Variants in ZNF610 observed in about 807,000 individuals in gnomAD.
The protein encoded by ZNF610 is zink finger protein.
ZNF610 carries 14 observed loss-of-function variants against 14.1 expected under a neutral mutation model. The ratio of observed to expected loss-of-function variants is 0.99; its 90% CI spans 0.65 to 1.55. The LOEUF is 1.55. Ranked by LOEUF, ZNF610 falls within the 40% of genes most tolerant of loss-of-function variation. ZNF610 has a pLI of 0.00. For missense variants in ZNF610, 530 were observed against 558.0 expected, an observed-to-expected ratio of 0.95 and a Z score of 0.51; for synonymous variants, 185 against 187.6, an observed-to-expected ratio of 0.99 and a Z score of 0.11.
intron 1 of ZNF610, among the ~76,000 whole-genome samples, chr19:52,339,086 A>G (rs1984539526): frequency 6.6e-6 from 1 of 152,046 alleles, no homozygotes; most frequent in African/African-American, 2.4e-5. Flanking sequence ...CTGTGCCTTG[A>G]TGTGCATGTA....
At chr19:52,348,839 G>A (rs1395323155) in intron 2 of ZNF610, among the ~76,000 whole-genome samples, 1 of 152,188 alleles carries the variant, frequency 6.6e-6, no homozygotes, top group Non-Finnish European at 1.5e-5. Context: ...AGAGAGGGGA[G>A]GAGGGGCTGT....
chr19:52,353,215 C>T (rs1985344988), intron 3 of ZNF610, among the ~76,000 whole-genome samples: 1 of 152,250 alleles, frequency 6.6e-6, no homozygotes, highest in Non-Finnish European at 1.5e-5. Flanking sequence ...GCTGGAGTTA[C>T]AGACGTGAGC....
chr19:52,350,754 G>A lies in ZNF610; in HGVS notation c.63+1519G>A, dbSNP rs146243170. Among the ~76,000 whole-genome samples, 143 of 151,972 alleles carry A rather than the reference G, an allele frequency of 9.4e-4. 6 individuals carry two copies. The East Asian group carries it at 0.025, about 26-fold the overall frequency. On this transcript the variant is annotated intron_variant, in intron 3 of 5. Coordinates refer to ENST00000403906, the MANE Select transcript of ZNF610 (RefSeq NM_001161425.2). ...TGTGGCTCATGCCTGTAATACCAGC[G>A]CTTTGGGAGGCCAAGGTGGGTGGAT...
intron 5 of ZNF610, among the ~76,000 whole-genome samples, chr19:52,363,774 C>T (rs1985896502): frequency 6.6e-6 from 1 of 152,214 alleles, no homozygotes; most frequent in Middle Eastern, 3.4e-3. Context: ...GGGAGTCTGT[C>T]GTGGATAGGA....
chr19:52,332,809 C>T (rs1984242048), upstream of ZNF610, among the ~76,000 whole-genome samples: 1 of 152,148 alleles, frequency 6.6e-6, no homozygotes, highest in Non-Finnish European at 1.5e-5. This position sits in a 1 kb window ranked among gnomAD's most constrained non-coding sequence, Gnocchi z 4.1. Context: ...TGGTCAATAA[C>T]GGAGTACAAA....
At chr19:52,349,392 G>T (rs1356144305) in intron 3 of ZNF610, among the ~76,000 whole-genome samples, 157 bp downstream of exon 3, 1 of 151,944 alleles carries the variant, frequency 6.6e-6, no homozygotes, top group Non-Finnish European at 1.5e-5. Flanking sequence ...CATGAATGTG[G>T]GAAGAGACTG....
chr19:52,336,693 T>C, intron 1 of ZNF610, among the ~76,000 whole-genome samples, 187 bp downstream of exon 1: 1 of 152,314 alleles, frequency 6.6e-6, no homozygotes, highest in Non-Finnish European at 1.5e-5. Flanking sequence ...CGTCCTGTAC[T>C]GGGTCCTGGG....
chr19:52,355,154 G>A (rs1488452236), intron 5 of ZNF610, among the ~76,000 whole-genome samples: 2 of 152,130 alleles, frequency 1.3e-5, no homozygotes, highest in South Asian at 2.1e-4. Context: ...AGGGAGCATT[G>A]TTGCCAGGGG....
At chr19:52,357,570 G>A (rs756157884) in intron 5 of ZNF610, among the ~76,000 whole-genome samples, 1 of 148,334 alleles carries the variant, frequency 6.7e-6, no homozygotes, top group Non-Finnish European at 1.5e-5. Flanking sequence ...GCCTGAACCC[G>A]GGAGGCGGAG....
intron 3 of ZNF610, among the ~76,000 whole-genome samples, chr19:52,352,137 A>T (rs1985287308): frequency 6.6e-6 from 1 of 152,100 alleles, no homozygotes; most frequent in Non-Finnish European, 1.5e-5. Context: ...AGTGTCTTTT[A>T]GTTAGGGGCC....
chr19:52,366,651 G>A lies in ZNF610; in HGVS notation c.1273G>A (p.Glu425Lys), dbSNP rs1163803059. 6.2e-7 allele frequency: 1 copy of A among 1,614,226 alleles called. No individual in the cohort carries two copies. The highest frequency in any genetic ancestry group is 1.7e-5 in the Admixed American group (1 of 60,022). The change falls in exon 6 of 6, where the codon GAG (glutamate) becomes AAG (lysine). Residue 425 changes from glutamate to lysine, a missense_variant. Physicochemically the swap from Glu to Lys is moderately conservative, Grantham distance 56. Transcript: ENST00000403906. ...CAACCATCAGAGAATTCATACTGGA[G>A]AGAGACCTTACAAGTGTAATGCATG... ...LTNHQRIHTG[E>K]RPYKCNACGK... is the part of the protein sequence containing the mutation.
At chr19:52,338,922 C>G (rs557635106) in intron 1 of ZNF610, among the ~76,000 whole-genome samples, 101 of 151,902 alleles carry the variant, frequency 6.6e-4, no homozygotes, top group African/African-American at 1.2e-3. Context: ...ACGGAGGACC[C>G]GCGCCGGCCC....
intron 5 of ZNF610, among the ~76,000 whole-genome samples, chr19:52,355,457 G>A (rs1056339414): frequency 1.3e-5 from 2 of 152,210 alleles, no homozygotes; most frequent in Non-Finnish European, 2.9e-5. Context: ...TCAGCACAGA[G>A]CATTTCACTT....
intron 5 of ZNF610, among the ~76,000 whole-genome samples, chr19:52,357,024 G>A (rs1487626222): frequency 6.6e-6 from 1 of 152,176 alleles, no homozygotes; most frequent in Non-Finnish European, 1.5e-5. Flanking sequence ...ACATGCCACA[G>A]GTTGAGGGCT....
chr19:52,358,840 A>G (rs1293293547), intron 5 of ZNF610, among the ~76,000 whole-genome samples: 2 of 152,220 alleles, frequency 1.3e-5, no homozygotes, highest in Non-Finnish European at 2.9e-5. Context: ...CGGTGTAATA[A>G]GAGTTCAACT....
chr19:52,350,950 A>C (rs1985220874), intron 3 of ZNF610, among the ~76,000 whole-genome samples: 1 of 152,144 alleles, frequency 6.6e-6, no homozygotes, highest in African/African-American at 2.4e-5. Context: ...CAGTGAGCCA[A>C]GATCGCACCA....
chr19:52,364,556 T>G (rs575761327), intron 5 of ZNF610, among the ~76,000 whole-genome samples: 2 of 152,302 alleles, frequency 1.3e-5, no homozygotes, highest in African/African-American at 4.8e-5. Flanking sequence ...GAATATAGTA[T>G]TCTTGGTTTT....
upstream of ZNF610, among the ~76,000 whole-genome samples, chr19:52,335,277 C>G (rs959857462): frequency 1.1e-4 from 16 of 152,086 alleles, no homozygotes; most frequent in African/African-American, 2.4e-5. Flanking sequence ...GAGACTCCGT[C>G]TCAAGAAAAA....
chr19:52,343,282 TA>T (rs1984774704), intron 1 of ZNF610, among the ~76,000 whole-genome samples: 1 of 152,354 alleles, frequency 6.6e-6, no homozygotes. Context: ...TACATGCCTG[TA>T]ATCCCAGCTA....
Sources: allele counts gnomAD v4.1 joint callset (sites outside exome capture counted in the v4.1 genomes callset), GRCh38; gene constraint gnomAD v4.1.1; non-coding constraint Gnocchi (gnomAD v3.1); transcripts MANE v1.5; gene names NCBI Gene and HGNC (gene_info 2026-07-23, HGNC 2026-07-21).